The following ZNF462 variants were observed in gnomAD, a reference collection of about 807,000 sequenced individuals.
ZNF462 encodes zinc finger PBX1-interacting protein.
In ZNF462, 10 loss-of-function variants were observed where a neutral mutation model predicts 201.9. The observed-to-expected ratio is 0.05, with a 90% confidence interval of 0.03 to 0.08. The LOEUF is 0.08. Ranked by LOEUF, ZNF462 falls within the 10% of genes least tolerant of loss-of-function variation. The probability of loss-of-function intolerance (pLI) is 1.00; values close to 1 mark genes in which losing one functional copy is unlikely to be tolerated. For synonymous variants in ZNF462, 1,227 were observed against 1,193.3 expected (o/e 1.03, Z -0.58); for missense variants, 2,523 against 3,168.3 (o/e 0.80, Z 4.89).
Position 106,927,257 on chromosome 9 carries a change from C to T in ZNF462, c.3345C>T (p.Tyr1115=). The T allele has an allele frequency of 2.1e-6, 3 of 1,395,684 alleles. No individual in the cohort carries two copies. Among genetic ancestry groups the T allele is most frequent in the Non-Finnish European group, 2.9e-6 (3 of 1,041,456 alleles). The allele number at this position is 1,395,684 out of a possible 1,614,324, so 86.5% of individuals were successfully genotyped here. A position where few individuals can be genotyped will look rare whatever the true frequency, so the allele number is the denominator to read the frequency against. Residue 1115 remains tyrosine, a synonymous_variant, in exon 3 of 13, where the codon TAC becomes TAT. Transcript: ENST00000277225. ...PPPDLSTELY[Y]CKHCSYSNRS... ...CAGACCTCAGTACTGAGCTTTACTA[C>T]TGCAAACACTGTTCCTACAGCAATC...
At chr9:106,921,443 A>C (rs1018162593) in intron 1 of ZNF462, among the ~76,000 whole-genome samples, 5 of 152,218 alleles carry the variant, frequency 3.3e-5, no homozygotes, top group Non-Finnish European at 2.9e-5. Context: ...TTAGCCTAGC[A>C]GACTCCAGGA....
rs1421875380 is a variant in ZNF462 at position 106,885,620 on chromosome 9, A to G, written c.-31+22265A>G. The stretch of plus-strand genomic sequence containing the variant: ...AGCAGCTGAACATGTGATCTTGTTA[A>G]CCCTGAGATGTTGCTGAAAAGTGAC... On this transcript the variant is annotated intron_variant, in intron 1 of 12. Coordinates refer to ENST00000277225, the MANE Select transcript of ZNF462 (RefSeq NM_021224.6). This position sits in a 1 kb window ranked among gnomAD's most constrained non-coding sequence, Gnocchi z 4.1. Among the ~76,000 whole-genome samples, 12 of 152,200 alleles carry G rather than the reference A, an allele frequency of 7.9e-5. No homozygotes were observed. The highest frequency in any genetic ancestry group is 7.9e-4 in the Admixed American group (12 of 15,284).
In ZNF462 at chr9:106,912,025, C is replaced by A. The variant is rs376114864; in HGVS notation, c.-30-11329C>A. Among the ~76,000 whole-genome samples the A allele has an allele frequency of 7.2e-5, 11 of 152,294 alleles. No homozygotes were observed. The South Asian group carries it at 2.1e-3, about 29-fold the overall frequency. ...TAGTCTGAGTCATTCACTAGATGTT[C>A]CACAAAGAGGCTGGCTTTTTTGACA... On this transcript the variant is annotated intron_variant, in intron 1 of 12. Transcript: ENST00000277225.
chr9:106,936,571 A>G (rs951081649), intron 6 of ZNF462, among the ~76,000 whole-genome samples: 1 of 152,246 alleles, frequency 6.6e-6, no homozygotes, highest in East Asian at 1.9e-4. Context: ...GGGACAGGGA[A>G]GTTAGCTATA....
At position 106,974,443 on chromosome 9, in the gene ZNF462, AC is replaced by A. The variant is rs1411826092; in HGVS notation, c.6832+172del. ...CAGTGACAGCCAAAAGGGCAAAAAC[AC>A]CTTCCTGCTGGGAGTATTTCCTCCA... On this transcript the variant is annotated intron_variant, in intron 9 of 12. Transcript: ENST00000277225. The surrounding 1 kb of genome is among the most constrained non-coding windows in gnomAD (Gnocchi z 4.0). 3.9e-5 allele frequency: 38 copies of A among 971,794 alleles called. No homozygotes were observed. Among genetic ancestry groups the A allele is most frequent in the Non-Finnish European group, 5.2e-5 (32 of 615,222 alleles). 60.2% of individuals were successfully genotyped at this position (971,794 alleles called of 1,614,324 possible). A position where few individuals can be genotyped will look rare whatever the true frequency, so the allele number is the denominator to read the frequency against.
In ZNF462 at chr9:106,926,196, G is replaced by A; in HGVS notation, c.2284G>A (p.Val762Ile). 6.2e-7 allele frequency: 1 copy of A among 1,614,158 alleles called. No individual in the cohort carries two copies. Among genetic ancestry groups the A allele is most frequent in the Non-Finnish European group, 8.5e-7 (1 of 1,180,034 alleles). ...TTCCTTTTCTGCCCAACAGATATGG[G>A]TAAGAGATACCAGTGAGCCCCAGAA... ...PTSFSAQQIW[V>I]RDTSEPQKEP... is the part of the protein sequence containing the mutation. The change falls in exon 3 of 13, where the codon GTA becomes ATA. Residue 762 changes from valine to isoleucine, a missense_variant. By Grantham distance (29) the Val-to-Ile change is conservative (BLOSUM62 3). Coordinates refer to ENST00000277225, the MANE Select transcript of ZNF462 (RefSeq NM_021224.6). The surrounding 1 kb of genome is among the most constrained non-coding windows in gnomAD (Gnocchi z 7.9).
In ZNF462 at chr9:106,966,235, C is replaced by T. The variant is rs918011807; in HGVS notation, c.6428-5770C>T. 2.0e-5 allele frequency among the ~76,000 whole-genome samples: 3 copies of T among 152,106 alleles called. No individual in the cohort carries two copies. The highest frequency in any genetic ancestry group is 3.9e-4 in the East Asian group (2 of 5,172). ...TAAATTGTCCCTTACACAACCTACC[C>T]CACCCTCTGATGTACATGTTTTTCT... is the stretch of plus-strand genomic sequence containing the variant. On this transcript the variant is annotated intron_variant, in intron 7 of 12. Transcript: ENST00000277225. The surrounding 1 kb of genome is among the most constrained non-coding windows in gnomAD (Gnocchi z 4.4).
chr9:106,877,588 G>A (rs927466999), intron 1 of ZNF462, among the ~76,000 whole-genome samples: 2 of 151,758 alleles, frequency 1.3e-5, no homozygotes, highest in African/African-American at 4.8e-5. Context: ...CAGCATGTTG[G>A]CCACGCTGGT....
intron 7 of ZNF462, among the ~76,000 whole-genome samples, chr9:106,969,102 G>T (rs1832212108): frequency 6.6e-6 from 1 of 152,176 alleles, no homozygotes; most frequent in African/African-American, 2.4e-5. Flanking sequence ...AATGTTGGCA[G>T]CAGAAAGGAA....
intron 1 of ZNF462, among the ~76,000 whole-genome samples, chr9:106,910,377 T>TTTG (rs1829499008): frequency 2.0e-5 from 3 of 149,892 alleles, no homozygotes; most frequent in African/African-American, 7.3e-5. Context: ...TTTTTTTTTT[T>TTTG]TTTTTTTTTA....
intron 6 of ZNF462, among the ~76,000 whole-genome samples, chr9:106,936,132 T>C (rs1350128778): frequency 6.6e-6 from 1 of 152,246 alleles, no homozygotes; most frequent in Non-Finnish European, 1.5e-5. Context: ...TGCTGGTCTC[T>C]ATCATATTGT....
intron 8 of ZNF462, among the ~76,000 whole-genome samples, chr9:106,973,526 G>T (rs889798307): frequency 6.6e-5 from 10 of 152,202 alleles, no homozygotes; most frequent in Admixed American, 2.6e-4. Context: ...GGGTTCACAA[G>T]AAAGGGTCCC....
Position 107,003,253 on chromosome 9 carries a change from C to A in ZNF462, c.7057-41C>A. On this transcript the variant is annotated intron_variant, in intron 10 of 12. Transcript: ENST00000277225. This position sits in a 1 kb window ranked among gnomAD's most constrained non-coding sequence, Gnocchi z 4.4. ...TCCATCAGGGAGAACCCCATTTGGTCTGCGGTTTATTATTCCATCATTTGT... is the reference window on the plus strand; with the variant it reads ...TCCATCAGGGAGAACCCCATTTGGTATGCGGTTTATTATTCCATCATTTGT... 1 of 1,609,696 alleles carries A rather than the reference C, an allele frequency of 6.2e-7. No individual in the cohort carries two copies. Among genetic ancestry groups the A allele is most frequent in the Non-Finnish European group, 8.5e-7 (1 of 1,177,786 alleles).
chr9:106,889,311 G>T lies in ZNF462; in HGVS notation c.-31+25956G>T, dbSNP rs536388718. ...TGTAAAACTTTCCTGTCTCTCCTTCGCTGTGCTCGGGTAGCTCAGAGGGTT... is the reference window on the plus strand; with the variant it reads ...TGTAAAACTTTCCTGTCTCTCCTTCTCTGTGCTCGGGTAGCTCAGAGGGTT... On this transcript the variant is annotated intron_variant, in intron 1 of 12. Coordinates refer to ENST00000277225, the MANE Select transcript of ZNF462 (RefSeq NM_021224.6). 1.2e-3 allele frequency among the ~76,000 whole-genome samples: 188 copies of T among 152,264 alleles called. 2 individuals are homozygous for T. Among genetic ancestry groups the T allele is most frequent in the Admixed American group, 0.011 (172 of 15,302 alleles).
intron 5 of ZNF462, among the ~76,000 whole-genome samples, chr9:106,934,295 T>TG (rs1402457576): frequency 1.7e-5 from 2 of 118,546 alleles, no homozygotes; most frequent in Non-Finnish European, 1.6e-5. Context: ...GCTCTTGAGA[T>TG]GAAAAAAAAA....
At position 106,926,958 on chromosome 9, in the gene ZNF462, T is replaced by C. The variant is rs372978614; in HGVS notation, c.3046T>C (p.Cys1016Arg). 3 of 1,614,170 alleles carry C rather than the reference T, an allele frequency of 1.9e-6. No individual in the cohort carries two copies. Among genetic ancestry groups the C allele is most frequent in the African/African-American group, 1.3e-5 (1 of 75,042 alleles). Residue 1016 changes from cysteine (C) to arginine (R), a missense_variant, in exon 3 of 13, where the codon TGT (cysteine) becomes CGT (arginine). Physicochemically the swap from Cys to Arg is radical, Grantham distance 180. Around this residue, in one of 15 missense-constraint regions of ZNF462, gnomAD observed 280 missense variants for 321.3 expected, o/e 0.87. Coordinates refer to ENST00000277225, the MANE Select transcript of ZNF462 (RefSeq NM_021224.6). This position sits in a 1 kb window ranked among gnomAD's most constrained non-coding sequence, Gnocchi z 7.9. ...CACTCCTAAGACCTTTACTCCTGAA[T>C]GTGAAAATCAGAAGGACCCTTTGGT... is the stretch of plus-strand genomic sequence containing the variant. ...KNTPKTFTPE[C>R]ENQKDPLVNT...
intron 1 of ZNF462, among the ~76,000 whole-genome samples, chr9:106,871,047 C>A (rs186468406): frequency 6.6e-6 from 1 of 152,138 alleles, no homozygotes; most frequent in South Asian, 2.1e-4. Context: ...AAATTCTCCC[C>A]GTTAACACTG....
chr9:107,004,874 C>T (rs1829438888), intron 11 of ZNF462, among the ~76,000 whole-genome samples: 1 of 152,068 alleles, frequency 6.6e-6, no homozygotes, highest in Non-Finnish European at 1.5e-5. Flanking sequence ...TCTCCCCAAA[C>T]CCCGAGCCCC....
At chr9:106,868,133 T>C (rs185157355) in intron 1 of ZNF462, among the ~76,000 whole-genome samples, 14 of 151,374 alleles carry the variant, frequency 9.2e-5, no homozygotes, top group East Asian at 5.8e-4. Context: ...CACATACTTA[T>C]GGAGTATGAT....
Sources: gnomAD v4.1 joint callset for allele counts (sites outside exome capture counted in the v4.1 genomes callset) on GRCh38, gnomAD v4.1.1 for gene constraint, gnomAD v4.1.1 regional missense constraint, Gnocchi (gnomAD v3.1) non-coding constraint, MANE v1.5 for transcripts, NCBI Gene and HGNC (gene_info 2026-07-23, HGNC 2026-07-21) for gene names.